CEACAM19: variants seen among roughly 807,000 people sequenced by gnomAD.
CEACAM19 encodes the protein CEA cell adhesion molecule 19, also known as cell adhesion molecule CEACAM19.
CEACAM19 carries 37 observed loss-of-function variants against 37.6 expected under a neutral mutation model. The ratio of observed to expected loss-of-function variants is 0.98; its 90% CI spans 0.76 to 1.29. The LOEUF (loss-of-function observed/expected upper bound fraction) is 1.29. Among genes scored for constraint, CEACAM19 ranks in the 50% most tolerant of loss-of-function variants. CEACAM19 has a pLI of 0.00. For missense variants in CEACAM19, 340 were observed against 375.6 expected (o/e 0.91, Z 0.78); for synonymous variants, 140 against 149.8 (o/e 0.93, Z 0.48).
rs923420749 is a variant in CEACAM19, at chr19:44,676,398, G to A, written c.552G>A (p.Arg184=). The change falls in exon 3 of 8, where the codon AGG becomes AGA. Residue 184 remains arginine, a synonymous_variant. Transcript: ENST00000358777. ...GCATTGCCTATCTCCTGGTGACAAG[G>A]AACTGGAGGGGCCAGAGCCACAGGT... The part of the protein sequence containing the change: ...ISCIAYLLVT[R]NWRGQSHRLP... The A allele has an allele frequency of 1.7e-5, 27 of 1,613,966 alleles. No individual in the cohort carries two copies. The highest frequency in any genetic ancestry group is 2.3e-5 in the Non-Finnish European group (27 of 1,180,014).
intron 6 of CEACAM19, 77 bp from the exon 7 acceptor site, chr19:44,682,490 C>A: frequency 1.4e-6 from 2 of 1,427,724 alleles, no homozygotes; most frequent in Non-Finnish European, 1.9e-6. Flanking sequence ...GAATCTGAGA[C>A]TGTCCTAGCA....
rs115814221 is a variant in CEACAM19 at position 44,679,957 on chromosome 19, A to G, written c.660-331A>G. ...AAAATTAAAAAATAAAAAATAAATAAGGGTATTCAAATGAATCTATGTAAA... is the reference window on the plus strand; with the variant it reads ...AAAATTAAAAAATAAAAAATAAATAGGGGTATTCAAATGAATCTATGTAAA... On this transcript the variant is annotated intron_variant, in intron 4 of 7. Transcript: ENST00000358777. Among the ~76,000 whole-genome samples, 1,013 of 152,206 alleles carry G rather than the reference A, an allele frequency of 6.7e-3. 7 individuals carry two copies. Among genetic ancestry groups the G allele is most frequent in the African/African-American group, 0.023 (966 of 41,544 alleles).
At chr19:44,680,195 G>A (rs1375097771) in intron 4 of CEACAM19, 93 bp from the exon 5 acceptor site, 3 of 1,009,242 alleles carry the variant, frequency 3.0e-6, no homozygotes, top group Non-Finnish European at 4.6e-6. Context: ...TGGCTTTCAG[G>A]GACCTGGTGG....
chr19:44,668,758 AT>A, upstream of CEACAM19, among the ~76,000 whole-genome samples: 1 of 88,770 alleles, frequency 1.1e-5, no homozygotes, highest in East Asian at 2.4e-4. Context: ...ATATAATATA[AT>A]ATATATAATA....
intron 6 of CEACAM19, 117 bp downstream of exon 6, chr19:44,681,429 T>C: frequency 4.9e-6 from 3 of 611,158 alleles, no homozygotes; most frequent in East Asian, 6.0e-5. Flanking sequence ...CAACTCTCTA[T>C]ATATTGTTCC....
intron 1 of CEACAM19, 47 bp from the exon 2 acceptor site, chr19:44,672,549 C>T: frequency 7.0e-7 from 1 of 1,437,900 alleles, no homozygotes; most frequent in Non-Finnish European, 9.1e-7. Context: ...ATGCCATGGT[C>T]CCTGGCAACA....
Position 44,672,758 on chromosome 19 carries a change from G to A in CEACAM19, c.218G>A (p.Gly73Glu). Residue 73 changes from glycine (G) to glutamate (E), a missense_variant, in exon 2 of 8, where the codon GGA becomes GAA. By Grantham distance (98) the Gly-to-Glu change is moderately conservative. Coordinates refer to ENST00000358777, the MANE Select transcript of CEACAM19 (RefSeq NM_001127893.3). ...FNWYLGEETY[G>E]GTRLFTYIPG... ...TGGTACCTGGGGGAGGAGACGTACGGAGGCACGAGGCTATTTACCTACATC... is the reference window on the plus strand; with the variant it reads ...TGGTACCTGGGGGAGGAGACGTACGAAGGCACGAGGCTATTTACCTACATC... The A allele has an allele frequency of 1.3e-6, 2 of 1,581,248 alleles. No homozygotes were observed. The highest frequency in any genetic ancestry group is 1.7e-6 in the Non-Finnish European group (2 of 1,161,842).
chr19:44,672,886 G>C lies in CEACAM19; in HGVS notation c.346G>C (p.Asp116His). Residue 116 changes from aspartate to histidine, a missense_variant, in exon 2 of 8, where the codon GAC (aspartate) becomes CAC (histidine). Transcript: ENST00000358777. The part of the protein sequence containing the change: ...SMLLRRAQPT[D>H]SGTYQVAITI... ...GCTGCTGCGCCGCGCCCAGCCTACA[G>C]ACAGTGGCACCTACCAAGTAGCCAT... is the stretch of plus-strand genomic sequence containing the variant. 2 of 1,584,718 alleles carry C rather than the reference G, an allele frequency of 1.3e-6. No homozygotes were observed. Among genetic ancestry groups the C allele is most frequent in the Non-Finnish European group, 1.7e-6 (2 of 1,163,504 alleles).
intron 2 of CEACAM19, among the ~76,000 whole-genome samples, chr19:44,675,942 T>C (rs1002359208): frequency 2.0e-5 from 3 of 151,092 alleles, no homozygotes; most frequent in Admixed American, 1.3e-4. Flanking sequence ...ATGTTGAAAT[T>C]TTTTTTTTAA....
chr19:44,671,797 GCCAGCCCCAGC>G lies in CEACAM19; in HGVS notation c.-134_-124del. The G allele has an allele frequency of 7.5e-6, 5 of 665,736 alleles. No homozygotes were observed. The South Asian group carries it at 9.3e-5, about 12-fold the overall frequency. 41.2% of individuals were successfully genotyped at this position (665,736 alleles called of 1,614,324 possible). On this transcript the variant is annotated 5_prime_UTR_variant, in exon 1 of 8. The change abolishes the stop of an existing upstream ORF in the 5' untranslated region. Transcript: ENST00000358777. ...CATGGACAGGGCATGCTGGGGCTGG[GCCAGCCCCAGC>G]GGTGTCTCTAAGGCACCCCTGGGAT...
intron 2 of CEACAM19, among the ~76,000 whole-genome samples, 172 bp downstream of exon 2, chr19:44,673,136 G>T (rs990420816): frequency 6.6e-6 from 1 of 152,198 alleles, no homozygotes; most frequent in African/African-American, 2.4e-5. Flanking sequence ...ACCCTCACAT[G>T]CATTAACTAA....
chr19:44,666,198 AAG>A (rs1172518880), intron 1 of CEACAM19: 2 of 152,246 alleles, frequency 1.3e-5, no homozygotes, highest in Non-Finnish European at 2.9e-5. Flanking sequence ...GAGAGGAAGA[AAG>A]AGAGAGGGAG....
At chr19:44,667,647 ATT>A (rs1184879946), upstream of CEACAM19, among the ~76,000 whole-genome samples, 1 of 91,282 alleles carries the variant, frequency 1.1e-5, no homozygotes, top group South Asian at 2.6e-4. Context: ...TATAATATAT[ATT>A]ATATAGATAT....
chr19:44,670,230 G>A (rs1973831126), upstream of CEACAM19, among the ~76,000 whole-genome samples: 2 of 151,930 alleles, frequency 1.3e-5, no homozygotes, highest in Admixed American at 1.3e-4. Flanking sequence ...GGCTGAGACG[G>A]GAGGATTGCT....
At chr19:44,671,363 A>G (rs1973851959), upstream of CEACAM19, 3 of 278,700 alleles carry the variant, frequency 1.1e-5, no homozygotes, top group Admixed American at 1.6e-4. Flanking sequence ...CTCGTGATCT[A>G]CCCACCTTGG....
At chr19:44,680,520 G>T (rs1306184775) in intron 5 of CEACAM19, among the ~76,000 whole-genome samples, 186 bp downstream of exon 5, 1 of 151,558 alleles carries the variant, frequency 6.6e-6, no homozygotes, top group Non-Finnish European at 1.5e-5. Context: ...CCCCAAACCT[G>T]CTTTTTCTCT....
intron 4 of CEACAM19, 49 bp downstream of exon 4, chr19:44,678,985 C>T (rs370508493): frequency 5.6e-5 from 90 of 1,606,304 alleles, no homozygotes; most frequent in Non-Finnish European, 7.1e-5. Flanking sequence ...CTTGCTATAG[C>T]GGTGTCAAGA....
Position 44,671,890 on chromosome 19 carries a change from T to G in CEACAM19, c.-42T>G, listed in dbSNP as rs766677825. 90 of 1,565,150 alleles carry G rather than the reference T, an allele frequency of 5.8e-5. No individual in the cohort carries two copies. The highest frequency in any genetic ancestry group is 7.5e-5 in the Non-Finnish European group (86 of 1,148,228). On this transcript the variant is annotated 5_prime_UTR_variant, in exon 1 of 8. Transcript: ENST00000358777. ...GGGCCCACCCCTCTGGCCCCCTTAGTGTCCAGCTCGTGGCCCCTTGGCATT... is the reference window on the plus strand; with the variant it reads ...GGGCCCACCCCTCTGGCCCCCTTAGGGTCCAGCTCGTGGCCCCTTGGCATT...
In CEACAM19 at chr19:44,676,682, G is replaced by A. The variant is rs113346961; in HGVS notation, c.575+261G>A. 3.4e-3 allele frequency among the ~76,000 whole-genome samples: 520 copies of A among 152,314 alleles called. 2 individuals carry two copies. Among genetic ancestry groups the A allele is most frequent in the African/African-American group, 0.012 (507 of 41,566 alleles). The stretch of plus-strand genomic sequence containing the variant: ...CTGTCACCCAGGCTGGAGTGCAGTG[G>A]CACAATCACGACTCACTGCAGCCTC... On this transcript the variant is annotated intron_variant, in intron 3 of 7. Transcript: ENST00000358777.
Sources: gnomAD v4.1 joint callset for allele counts (sites outside exome capture counted in the v4.1 genomes callset) on GRCh38, gnomAD v4.1.1 for gene constraint, MANE v1.5 for transcripts, NCBI Gene and HGNC (gene_info 2026-07-23, HGNC 2026-07-21) for gene names.